Variants in TUSC3 observed in about 807,000 individuals in gnomAD.
TUSC3 encodes dolichyl-diphosphooligosaccharide--protein glycosyltransferase subunit TUSC3.
Under a neutral mutation model 44.8 loss-of-function variants are expected in TUSC3, and 45 were observed. The ratio of observed to expected loss-of-function variants is 1.00; its 90% CI spans 0.79 to 1.29. The LOEUF is 1.29. Among genes scored for constraint, TUSC3 ranks in the 50% most tolerant of loss-of-function variants. The pLI is 0.00. For missense variants in TUSC3, 519 were observed against 437.9 expected, an observed-to-expected ratio of 1.19 and a Z score of -1.65; for synonymous variants, 212 against 152.9, an observed-to-expected ratio of 1.39 and a Z score of -2.85.
At chr8:15,570,320 C>G (rs943652368) in intron 1 of TUSC3, among the ~76,000 whole-genome samples, 4 of 148,540 alleles carry the variant, frequency 2.7e-5, no homozygotes, top group Admixed American at 1.4e-4. Flanking sequence ...TGAAACACAT[C>G]TAATTGAATG....
chr8:15,559,597 G>C (rs1802382375), intron 1 of TUSC3, among the ~76,000 whole-genome samples: 1 of 140,288 alleles, frequency 7.1e-6, no homozygotes, highest in Admixed American at 7.2e-5. Flanking sequence ...AATGTTGACG[G>C]TGGGGTGCTA....
At chr8:15,467,095 A>G (rs1485068663) in intron 1 of TUSC3, among the ~76,000 whole-genome samples, 2 of 152,030 alleles carry the variant, frequency 1.3e-5, no homozygotes, top group Non-Finnish European at 2.9e-5. Flanking sequence ...AGCTTGGCCT[A>G]TTTGGGAAGG....
chr8:15,506,544 A>G (rs889456888), intron 2 of TUSC3, among the ~76,000 whole-genome samples: 1 of 152,204 alleles, frequency 6.6e-6, no homozygotes, highest in African/African-American at 2.4e-5. Context: ...ATGGACTCAC[A>G]GTTCCACATG....
chr8:15,696,653 A>C (rs774999523), intron 6 of TUSC3, among the ~76,000 whole-genome samples: 1 of 152,194 alleles, frequency 6.6e-6, no homozygotes, highest in East Asian at 1.9e-4. Context: ...TCATCTGTTC[A>C]GGTGGATTAT....
Position 15,449,636 on chromosome 8 carries a change from A to C in TUSC3, n.91+32331A>C, listed in dbSNP as rs565459971. ...GGGAGGGAGTATAATGAGGCGTCTT[A>C]CCTCCCATCCCACAGGAATTCAGCC... On this transcript the variant is annotated intron_variant and non_coding_transcript_variant, in intron 1 of 5. Transcript: ENST00000503191. Among the ~76,000 whole-genome samples, 21 of 151,922 alleles carry C rather than the reference A, an allele frequency of 1.4e-4. 1 individual carries two copies. In the East Asian group the frequency reaches 3.1e-3, roughly 22 times the overall value.
intron 1 of TUSC3, among the ~76,000 whole-genome samples, chr8:15,554,600 ATTTTTTT>A (rs376264004): frequency 9.0e-6 from 1 of 111,654 alleles, no homozygotes; most frequent in African/African-American, 3.3e-5. Flanking sequence ...TTTTACTATA[ATTTTTTT>A]TTTTTTTTTT....
chr8:15,684,228 A>G (rs1808533857), intron 6 of TUSC3, among the ~76,000 whole-genome samples: 1 of 151,972 alleles, frequency 6.6e-6, no homozygotes, highest in African/African-American at 2.4e-5. Context: ...GCAGGCTCTA[A>G]TGGGCTGTGC....
chr8:15,672,024 T>C (rs951965009), intron 5 of TUSC3, among the ~76,000 whole-genome samples: 1 of 151,954 alleles, frequency 6.6e-6, no homozygotes, highest in Non-Finnish European at 1.5e-5. Context: ...GGAGAACCAT[T>C]TATGGGCCAT....
At chr8:15,821,129 G>A in the TUSC3 span, among the ~76,000 whole-genome samples, 2 of 151,890 alleles carry the variant, frequency 1.3e-5, no homozygotes, top group African/African-American at 4.8e-5. Flanking sequence ...ACTTTATTTT[G>A]CCTTCATATC....
At chr8:15,644,369 G>A (rs1806527594) in intron 2 of TUSC3, among the ~76,000 whole-genome samples, 1 of 152,128 alleles carries the variant, frequency 6.6e-6, no homozygotes, top group Non-Finnish European at 1.5e-5. Context: ...CTATTACTAT[G>A]AACTACTACA....
chr8:15,791,096 T>A, the TUSC3 span, among the ~76,000 whole-genome samples: 1 of 152,202 alleles, frequency 6.6e-6, no homozygotes, highest in East Asian at 1.9e-4. Context: ...ATAGAGATTT[T>A]ATCTTAGAAA....
the TUSC3 span, among the ~76,000 whole-genome samples, chr8:15,840,220 C>A: frequency 6.6e-6 from 1 of 151,904 alleles, no homozygotes; most frequent in Non-Finnish European, 1.5e-5. Context: ...CACACTGGGA[C>A]TTGTTGTGGG....
At chr8:15,434,610 C>A (rs1032027201) in intron 1 of TUSC3, among the ~76,000 whole-genome samples, 4 of 149,442 alleles carry the variant, frequency 2.7e-5, no homozygotes, top group African/African-American at 9.9e-5. Flanking sequence ...ATACATGTGC[C>A]ATGCTGGTGT....
At chr8:15,762,783 C>T (rs1406935040) in intron 10 of TUSC3, among the ~76,000 whole-genome samples, 1 of 152,036 alleles carries the variant, frequency 6.6e-6, no homozygotes, top group Non-Finnish European at 1.5e-5. Context: ...CTTTTCAAAA[C>T]ATAATGCCAC....
chr8:15,641,003 C>G (rs561948161), intron 2 of TUSC3, among the ~76,000 whole-genome samples: 36 of 152,236 alleles, frequency 2.4e-4, no homozygotes, highest in African/African-American at 8.4e-4. Flanking sequence ...AGACATACCT[C>G]TTTGCCATGT....
At chr8:15,784,652 TAGCC>T in the TUSC3 span, among the ~76,000 whole-genome samples, 2 of 152,024 alleles carry the variant, frequency 1.3e-5, no homozygotes, top group Non-Finnish European at 2.9e-5. Context: ...TAAGTGAAAT[TAGCC>T]AGGCAGAGAA....
chr8:15,707,050 CT>C (rs1809647865), intron 6 of TUSC3, among the ~76,000 whole-genome samples: 1 of 151,816 alleles, frequency 6.6e-6, no homozygotes, highest in Admixed American at 6.6e-5. Context: ...TACCTGACTG[CT>C]TTTTTTGAGT....
chr8:15,668,121 C>T (rs1421693639), intron 5 of TUSC3, among the ~76,000 whole-genome samples: 1 of 151,684 alleles, frequency 6.6e-6, no homozygotes, highest in Non-Finnish European at 1.5e-5. Context: ...GGATTGGTAT[C>T]TGTTTTGTAC....
intron 1 of TUSC3, among the ~76,000 whole-genome samples, chr8:15,570,680 T>G (rs1184717075): frequency 6.6e-6 from 1 of 152,070 alleles, no homozygotes; most frequent in Non-Finnish European, 1.5e-5. Context: ...CATGATTTTA[T>G]TGTATAGGTG....
Sources: gnomAD v4.1 joint callset for allele counts (sites outside exome capture counted in the v4.1 genomes callset) on GRCh38, gnomAD v4.1.1 for gene constraint, MANE v1.5 for transcripts, NCBI Gene and HGNC (gene_info 2026-07-23, HGNC 2026-07-21) for gene names.